Variants in ZNF320 observed in about 807,000 individuals in gnomAD.
ZNF320 encodes zinc finger gene 320.
In ZNF320, 2 loss-of-function variants were observed where a neutral mutation model predicts 6.8. That is an observed-to-expected ratio of 0.29 (90% CI 0.12 to 0.93). ZNF320 has a LOEUF of 0.93. Among genes scored for constraint, ZNF320 ranks in the 40% least tolerant of loss-of-function variants. The pLI, the probability that ZNF320 is intolerant of heterozygous loss-of-function variation, is 0.55. For missense variants in ZNF320, 472 were observed against 611.0 expected, an observed-to-expected ratio of 0.77 and a Z score of 2.40; for synonymous variants, 208 against 203.2, an observed-to-expected ratio of 1.02 and a Z score of -0.20.
chr19:52,899,072 T>C (rs1262460619), upstream of ZNF320, among the ~76,000 whole-genome samples: 1 of 152,252 alleles, frequency 6.6e-6, no homozygotes, highest in Non-Finnish European at 1.5e-5. Context: ...TGTCTTTTTG[T>C]GTAATAGATT....
chr19:52,891,621 T>G lies in ZNF320; in HGVS notation c.-191-275A>C, dbSNP rs570114969. Among the ~76,000 whole-genome samples the G allele has an allele frequency of 3.9e-5, 6 of 152,214 alleles. No homozygotes were observed. In the South Asian group the frequency reaches 1.0e-3, roughly 26 times the overall value. ...ATGTGACTGGGGCGGAGGGAGTCATTAGATTAGGGCAAGCTCCCAGGAGGA... is the reference window on the plus strand; with the variant it reads ...ATGTGACTGGGGCGGAGGGAGTCATGAGATTAGGGCAAGCTCCCAGGAGGA... On this transcript the variant is annotated intron_variant, in intron 2 of 5. Transcript: ENST00000682928.
rs779540500 is a variant in ZNF320, at chr19:52,880,808, G to A, written c.1318C>T (p.Pro440Ser). The change falls in exon 6 of 6, where the codon CCT becomes TCT. Residue 440 changes from proline to serine, a missense_variant. Physicochemically the swap from Pro to Ser is moderately conservative, Grantham distance 74. Coordinates refer to ENST00000682928, the MANE Select transcript of ZNF320 (RefSeq NM_001351774.2). ...TTACCACAATCACCACACTTGTGAG[G>A]TTTCTCTCCTGTATGAATCCTCCTA... ...RHRRIHTGEK[P>S]HKCGDCGKAF... The A allele has an allele frequency of 6.2e-7, 1 of 1,613,926 alleles. No homozygotes were observed. Among genetic ancestry groups the A allele is most frequent in the Admixed American group, 1.7e-5 (1 of 60,008 alleles).
At chr19:52,867,794 T>A (rs1233757876) in intron 5 of ZNF320, among the ~76,000 whole-genome samples, 3 of 151,910 alleles carry the variant, frequency 2.0e-5, no homozygotes, top group African/African-American at 7.3e-5. Context: ...GTATTTGTAG[T>A]TGAGATGAGG....
chr19:52,890,626 C>T (rs2064257598), intron 3 of ZNF320, among the ~76,000 whole-genome samples: 1 of 152,202 alleles, frequency 6.6e-6, no homozygotes, highest in African/African-American at 2.4e-5. Context: ...CACCCCAGCA[C>T]TCTAGGAGGC....
chr19:52,860,605 A>AG (rs1555813171), downstream of ZNF320, among the ~76,000 whole-genome samples: 3 of 151,852 alleles, frequency 2.0e-5, no homozygotes, highest in Non-Finnish European at 4.4e-5. Context: ...ATCAAAAAAA[A>AG]AAAAAGAAAA....
exon 6 of ZNF320, chr19:52,864,004 C>A: frequency 2.1e-6 from 1 of 473,310 alleles, no homozygotes; most frequent in South Asian, 1.6e-5. Flanking sequence ...AGGACAGATT[C>A]TTCATGTCTG....
chr19:52,872,166 C>A (rs545610781), downstream of ZNF320, among the ~76,000 whole-genome samples: 3 of 152,292 alleles, frequency 2.0e-5, no homozygotes, highest in East Asian at 5.8e-4. Context: ...GAAAGGGCCC[C>A]AAAGTGACAC....
chr19:52,886,370 G>A (rs1600632355), intron 5 of ZNF320, among the ~76,000 whole-genome samples: 1 of 152,168 alleles, frequency 6.6e-6, no homozygotes, highest in East Asian at 1.9e-4. Context: ...CCTGACCTCA[G>A]GCGATCTGCC....
chr19:52,903,758 C>CAAGACA, the ZNF320 span, among the ~76,000 whole-genome samples: 1,503 of 151,946 alleles, frequency 9.9e-3, 25 homozygotes, highest in African/African-American at 0.035. Flanking sequence ...ATACTCACCA[C>CAAGACA]AAGAATGGGT....
chr19:52,886,672 G>A (rs769734274), intron 5 of ZNF320, among the ~76,000 whole-genome samples: 3 of 152,010 alleles, frequency 2.0e-5, no homozygotes, highest in African/African-American at 7.2e-5. Context: ...ATGGCAGCTC[G>A]CGCCTGTAAT....
At chr19:52,903,200 G>T in the ZNF320 span, among the ~76,000 whole-genome samples, 2 of 152,176 alleles carry the variant, frequency 1.3e-5, no homozygotes, top group African/African-American at 2.4e-5. Context: ...AAGGCTACCA[G>T]ATTAGAAGTT....
chr19:52,903,687 C>T, the ZNF320 span, among the ~76,000 whole-genome samples: 1 of 145,464 alleles, frequency 6.9e-6, no homozygotes, highest in Non-Finnish European at 1.5e-5. Flanking sequence ...GGTGGGCTTA[C>T]TTTGTGCCTG....
chr19:52,883,663 G>C, intron 5 of ZNF320: 1 of 453,356 alleles, frequency 2.2e-6, no homozygotes, highest in Non-Finnish European at 4.4e-6. Context: ...ATTTTGGTAG[G>C]CTGAGTCGGG....
At chr19:52,868,935 G>C (rs145194999) in intron 5 of ZNF320, among the ~76,000 whole-genome samples, 3 of 152,102 alleles carry the variant, frequency 2.0e-5, no homozygotes, top group African/African-American at 7.2e-5. Flanking sequence ...TGAGAGTAGT[G>C]TTGGAGGGGA....
intron 1 of ZNF320, among the ~76,000 whole-genome samples, chr19:52,896,384 C>A (rs900913113): frequency 6.6e-6 from 1 of 152,220 alleles, no homozygotes; most frequent in African/African-American, 2.4e-5. Flanking sequence ...AGCCATTGCA[C>A]ACGGCCTTTA....
intron 1 of ZNF320, among the ~76,000 whole-genome samples, chr19:52,894,419 T>C (rs1379522782): frequency 6.7e-6 from 1 of 149,020 alleles, no homozygotes; most frequent in Admixed American, 6.7e-5. Context: ...AGAAAGAAAA[T>C]TCCAGGACTA....
chr19:52,888,211 C>A lies in ZNF320; in HGVS notation c.58G>T (p.Glu20Ter), dbSNP rs2064158607. The A allele has an allele frequency of 1.4e-6, 2 of 1,426,520 alleles. No homozygotes were observed. Among genetic ancestry groups the A allele is most frequent in the Non-Finnish European group, 1.9e-6 (2 of 1,052,290 alleles). 88.4% of individuals were successfully genotyped at this position (1,426,520 alleles called of 1,614,324 possible). ...GCAGGGTCCAGGCATTTCCACTCCT[C>A]CTGAGAGAATTCTATGGCCACATCC... ...FRDVAIEFSQEEWKCLDPAQR... is the reference protein window; with the variant it reads ...FRDVAIEFSQ The change falls in exon 5 of 6, where the codon GAG becomes TAG. Residue 20 changes from glutamate to a stop codon, truncating the protein, a stop_gained. Coordinates refer to ENST00000682928, the MANE Select transcript of ZNF320 (RefSeq NM_001351774.2). LOFTEE classifies it high-confidence loss of function.
chr19:52,870,085 C>A (rs921558613), intron 5 of ZNF320, among the ~76,000 whole-genome samples: 13 of 152,048 alleles, frequency 8.5e-5, no homozygotes. Context: ...CTCCTGAGAA[C>A]CTGCCTCAGC....
chr19:52,866,239 T>TGATTATAC (rs2063570094), intron 5 of ZNF320, among the ~76,000 whole-genome samples: 1 of 146,600 alleles, frequency 6.8e-6, no homozygotes, highest in East Asian at 2.0e-4. Flanking sequence ...TATACATATA[T>TGATTATAC]ATATATATAA....
Sources: gnomAD v4.1 joint callset for allele counts (sites outside exome capture counted in the v4.1 genomes callset) on GRCh38, gnomAD v4.1.1 for gene constraint, MANE v1.5 for transcripts, NCBI Gene and HGNC (gene_info 2026-07-23, HGNC 2026-07-21) for gene names.